GOLM1: variants seen among roughly 807,000 people sequenced by gnomAD.
GOLM1 encodes golgi membrane protein 1, also known as epididymis luminal protein 46.
In GOLM1, 31 loss-of-function variants were observed where a neutral mutation model predicts 50.5. The ratio of observed to expected loss-of-function variants is 0.61; its 90% CI spans 0.46 to 0.83. The LOEUF (loss-of-function observed/expected upper bound fraction) is 0.83, where lower values mean the gene tolerates loss of function less well. Ranked by LOEUF, GOLM1 falls within the 40% of genes least tolerant of loss-of-function variation. The pLI, the probability that GOLM1 is intolerant of heterozygous loss-of-function variation, is 0.00. For synonymous variants in GOLM1, 178 were observed against 192.8 expected (o/e 0.92, Z 0.64); for missense variants, 491 against 501.3 (o/e 0.98, Z 0.20).
intron 1 of GOLM1, among the ~76,000 whole-genome samples, 169 bp downstream of exon 1, chr9:86,099,242 A>G (rs564618427): frequency 1.1e-4 from 17 of 151,774 alleles, no homozygotes; most frequent in Admixed American, 2.6e-4. Flanking sequence ...GAAGGTGCGG[A>G]GCCAGCCCCG....
chr9:86,069,239 CAT>C (rs2118818152), intron 3 of GOLM1, among the ~76,000 whole-genome samples: 1 of 151,874 alleles, frequency 6.6e-6, no homozygotes, highest in South Asian at 2.1e-4. Context: ...TTGCTTATAA[CAT>C]TATTTTAATT....
intron 9 of GOLM1, among the ~76,000 whole-genome samples, chr9:86,030,450 T>C (rs911360162): frequency 5.3e-5 from 8 of 152,128 alleles, no homozygotes; most frequent in Admixed American, 4.6e-4. Context: ...ACTCTGCCAA[T>C]TGAAACAACT....
At chr9:86,097,574 G>A (rs751746337) in intron 1 of GOLM1, among the ~76,000 whole-genome samples, 5 of 152,210 alleles carry the variant, frequency 3.3e-5, no homozygotes, top group Admixed American at 6.5e-5. Flanking sequence ...TGAGAAAGGC[G>A]GCTGGACCTC....
At chr9:86,040,227 A>T (rs1833293395) in intron 6 of GOLM1, among the ~76,000 whole-genome samples, 1 of 152,202 alleles carries the variant, frequency 6.6e-6, no homozygotes, top group Admixed American at 6.5e-5. Flanking sequence ...TCTATGGGTG[A>T]ATCATAGGGA....
chr9:86,075,245 T>C, intron 3 of GOLM1, among the ~76,000 whole-genome samples: 1 of 152,244 alleles, frequency 6.6e-6, no homozygotes, highest in Non-Finnish European at 1.5e-5. Context: ...CAGTTTATGA[T>C]ATTTTGTTAT....
rs892297768 is a variant in GOLM1 at position 86,074,785 on chromosome 9, T to C, written c.309+2627A>G. Among the ~76,000 whole-genome samples, 5 of 152,158 alleles carry C rather than the reference T, an allele frequency of 3.3e-5. No individual in the cohort carries two copies. The East Asian group carries it at 7.7e-4, about 23-fold the overall frequency. On this transcript the variant is annotated intron_variant, in intron 3 of 9. Transcript: ENST00000388712. ...AGGAAACGTTCACTCCTGTGGCTGG[T>C]GTGGTGCCTGTCATCGTTCTCCTTC...
intron 6 of GOLM1, among the ~76,000 whole-genome samples, chr9:86,037,438 CAA>C (rs112398885): frequency 7.1e-4 from 42 of 59,186 alleles, no homozygotes; most frequent in African/African-American, 1.5e-3. Flanking sequence ...GACTGTCTCT[CAA>C]AAAAAAAAAA....
intron 5 of GOLM1, among the ~76,000 whole-genome samples, chr9:86,041,749 G>A (rs2118677425): frequency 6.6e-6 from 1 of 152,292 alleles, no homozygotes; most frequent in Middle Eastern, 3.4e-3. Context: ...ACTTGTGGCT[G>A]GCATCTGAGG....
At chr9:86,055,195 G>A (rs749004411) in intron 3 of GOLM1, among the ~76,000 whole-genome samples, 3 of 152,174 alleles carry the variant, frequency 2.0e-5, no homozygotes, top group Non-Finnish European at 4.4e-5. Context: ...ATTTCCTGGG[G>A]CAACAGGAGA....
At chr9:86,028,833 A>G (rs1832872474) in intron 9 of GOLM1, among the ~76,000 whole-genome samples, 1 of 146,666 alleles carries the variant, frequency 6.8e-6, no homozygotes, top group African/African-American at 2.5e-5. Flanking sequence ...TGTGAAGGGG[A>G]TAAGGGAACT....
chr9:86,037,837 C>CA (rs1490892731), intron 6 of GOLM1, among the ~76,000 whole-genome samples: 1 of 152,036 alleles, frequency 6.6e-6, no homozygotes, highest in African/African-American at 2.4e-5. Context: ...GTTTGAGGCT[C>CA]AGTGTGGATG....
intron 2 of GOLM1, 22 bp from the exon 3 acceptor site, chr9:86,077,613 A>T (rs1249201459): frequency 1.3e-6 from 2 of 1,595,378 alleles, no homozygotes. Context: ...CCGTGGCATT[A>T]GGGCTGATGC....
chr9:86,030,218 CAAAAAAAA>C (rs35215928), intron 9 of GOLM1, among the ~76,000 whole-genome samples: 75 of 73,448 alleles, frequency 1.0e-3, no homozygotes, highest in Admixed American at 1.6e-3. Context: ...GACTCTGTCT[CAAAAAAAA>C]AAAAAAAAAA....
At chr9:86,067,968 T>C (rs1834352241) in intron 3 of GOLM1, among the ~76,000 whole-genome samples, 1 of 152,020 alleles carries the variant, frequency 6.6e-6, no homozygotes, top group Non-Finnish European at 1.5e-5. Flanking sequence ...ATCACATCAC[T>C]GGACTCCAGC....
chr9:86,060,509 G>C (rs1039989600), intron 3 of GOLM1, among the ~76,000 whole-genome samples: 26 of 152,254 alleles, frequency 1.7e-4, no homozygotes, highest in Middle Eastern at 3.4e-3. Context: ...TAGGGACAAG[G>C]GCACAAAGTG....
At chr9:86,079,391 C>G in intron 1 of GOLM1, 50 bp from the exon 2 acceptor site, 1 of 1,388,212 alleles carries the variant, frequency 7.2e-7, no homozygotes, top group Non-Finnish European at 9.9e-7. Context: ...TTTATCATCT[C>G]CGAAGCAGAC....
intron 7 of GOLM1, 126 bp downstream of exon 7, chr9:86,036,222 G>C (rs1437970605): frequency 2.1e-5 from 19 of 917,560 alleles, no homozygotes; most frequent in Non-Finnish European, 3.2e-5. Flanking sequence ...GGCCCAGAGA[G>C]ACACGTCCCT....
At chr9:86,067,457 A>G (rs1215232805) in intron 3 of GOLM1, among the ~76,000 whole-genome samples, 1 of 152,268 alleles carries the variant, frequency 6.6e-6, no homozygotes, top group East Asian at 1.9e-4. Flanking sequence ...GGTTGCGTGA[A>G]GATTATTTCT....
intron 9 of GOLM1, among the ~76,000 whole-genome samples, chr9:86,032,605 C>G (rs1209909738): frequency 1.3e-5 from 2 of 152,160 alleles, no homozygotes; most frequent in Non-Finnish European, 2.9e-5. Flanking sequence ...TAAAATGTCA[C>G]CACTTGGGCA....
Sources: gnomAD v4.1 joint callset for allele counts (sites outside exome capture counted in the v4.1 genomes callset) on GRCh38, gnomAD v4.1.1 for gene constraint, MANE v1.5 for transcripts, NCBI Gene and HGNC (gene_info 2026-07-23, HGNC 2026-07-21) for gene names.